The following ZNF717 variants were observed in gnomAD, a reference collection of about 807,000 sequenced individuals.
ZNF717 encodes krueppel-like factor X17.
In ZNF717, 9 loss-of-function variants were observed where a neutral mutation model predicts 13.8. That is an observed-to-expected ratio of 0.65 (90% CI 0.39 to 1.14). The LOEUF is 1.14. Ranked by LOEUF, ZNF717 falls within the 50% of genes most tolerant of loss-of-function variation. The probability of loss-of-function intolerance (pLI) is 0.01; values close to 1 mark genes in which losing one functional copy is unlikely to be tolerated. For synonymous variants in ZNF717, 327 were observed against 364.1 expected (o/e 0.90, Z 1.16); for missense variants, 1,040 against 1,080.7 (o/e 0.96, Z 0.53).
chr3:75,765,017 A>ATGTGTGTGTGTGTGTGTG (rs1553680573), intron 2 of ZNF717, among the ~76,000 whole-genome samples: 1 of 31,022 alleles, frequency 3.2e-5, no homozygotes, highest in African/African-American at 1.0e-4. Flanking sequence ...ATATATATAT[A>ATGTGTGTGTGTGTGTGTG]TATATATATA....
At chr3:75,713,233 C>T (rs1937980888) in intron 5 of ZNF717, among the ~76,000 whole-genome samples, 1 of 152,128 alleles carries the variant, frequency 6.6e-6, no homozygotes, top group African/African-American at 2.4e-5. Flanking sequence ...TCACTGCAGC[C>T]TCAACCTCCT....
intron 2 of ZNF717, among the ~76,000 whole-genome samples, chr3:75,755,979 CTGCACTTGCTTTATTGTGATTTGTGACCA>C (rs1942438461): frequency 2.3e-5 from 1 of 44,122 alleles, no homozygotes; most frequent in Non-Finnish European, 7.8e-5. Context: ...TCTCGTTTCA[CTGCACTTGCTTTATTGTGATTTGTGACCA>C]TGTTTTTTAC....
chr3:75,723,830 C>T (rs997447234), intron 4 of ZNF717, among the ~76,000 whole-genome samples: 1 of 152,020 alleles, frequency 6.6e-6, no homozygotes, highest in Non-Finnish European at 1.5e-5. Flanking sequence ...TCCCTTTCCC[C>T]GGGGGAGTTA....
intron 2 of ZNF717, among the ~76,000 whole-genome samples, chr3:75,749,799 TC>T (rs1941542197): frequency 6.6e-6 from 1 of 151,688 alleles, no homozygotes; most frequent in African/African-American, 2.4e-5. Context: ...CACATAAGAC[TC>T]CAGAACAATC....
chr3:75,777,714 A>C (rs1339009838), intron 2 of ZNF717, among the ~76,000 whole-genome samples: 1 of 151,650 alleles, frequency 6.6e-6, no homozygotes, highest in African/African-American at 2.4e-5. Context: ...AATGGGAGTG[A>C]CGTGCTAAAC....
chr3:75,742,903 C>G (rs1242985006), intron 2 of ZNF717, among the ~76,000 whole-genome samples: 2 of 152,212 alleles, frequency 1.3e-5, no homozygotes. Flanking sequence ...CTCCTGTATA[C>G]AGTCATGAGC....
intron 4 of ZNF717, among the ~76,000 whole-genome samples, chr3:75,721,667 CT>C (rs1238755211): frequency 6.6e-6 from 1 of 151,976 alleles, no homozygotes; most frequent in Non-Finnish European, 1.5e-5. Flanking sequence ...AAGCAAATAA[CT>C]TTTTTTTCTG....
intron 4 of ZNF717, among the ~76,000 whole-genome samples, chr3:75,740,737 G>A (rs1442874095): frequency 3.6e-4 from 55 of 150,920 alleles, no homozygotes; most frequent in African/African-American, 1.2e-3. Context: ...AGGCTAGGGT[G>A]TGAGGAACAC....
At chr3:75,728,338 C>T (rs1271869729), downstream of ZNF717, among the ~76,000 whole-genome samples, 1 of 152,190 alleles carries the variant, frequency 6.6e-6, no homozygotes, top group African/African-American at 2.4e-5. Context: ...GTTAAGGATG[C>T]ACACCAAGGA....
chr3:75,703,542 T>TAAATAAATAAATAAATA (rs1553651651), intron 6 of ZNF717, among the ~76,000 whole-genome samples: 22 of 147,838 alleles, frequency 1.5e-4, no homozygotes, highest in South Asian at 6.6e-4. Context: ...ATAATAATAA[T>TAAATAAATAAATAAATA]AATAAATAAA....
At chr3:75,751,966 G>T (rs796696775) in intron 2 of ZNF717, among the ~76,000 whole-genome samples, 2 of 151,582 alleles carry the variant, frequency 1.3e-5, no homozygotes, top group Non-Finnish European at 2.9e-5. Context: ...CCAGAACACT[G>T]TTATGAGGGT....
chr3:75,701,276 T>C (rs1186174382), intron 6 of ZNF717, among the ~76,000 whole-genome samples: 34 of 152,294 alleles, frequency 2.2e-4, no homozygotes, highest in Admixed American at 5.9e-4. Context: ...TCTGGTGTCA[T>C]ATAAGAGGTG....
intron 2 of ZNF717, among the ~76,000 whole-genome samples, chr3:75,749,168 G>A (rs72503556): frequency 0.021 from 3,080 of 147,870 alleles, 48 homozygotes; most frequent in South Asian, 0.065. Context: ...TTTGTCCCCC[G>A]CATAGGATTC....
intron 2 of ZNF717, among the ~76,000 whole-genome samples, chr3:75,774,610 GTTTTTTT>G (rs537149833): frequency 2.5e-5 from 2 of 80,216 alleles, no homozygotes; most frequent in Non-Finnish European, 4.6e-5. Context: ...AATTCTTGTG[GTTTTTTT>G]TTTTTTTTTT....
In ZNF717 at chr3:75,768,363, G is replaced by GA. The variant is rs1415231786; in HGVS notation, c.57+14942_57+14943insT. 3.7e-5 allele frequency among the ~76,000 whole-genome samples: 4 copies of GA among 107,850 alleles called. No homozygotes were observed. The East Asian group carries it at 1.3e-3, about 36-fold the overall frequency. 70.8% of individuals were successfully genotyped at this position (107,850 alleles called of 152,430 possible). A position where few individuals can be genotyped will look rare whatever the true frequency, so the allele number is the denominator to read the frequency against. On this transcript the variant is annotated intron_variant, in intron 2 of 4. Coordinates refer to ENST00000652011, the MANE Select transcript of ZNF717 (RefSeq NM_001290208.3). ...CAGTCCTCACTGTGGCTGAGTGTGG[G>GA]GGGGGGGGGTAGATGACAGCCCACC...
chr3:75,760,484 T>C (rs1245955183), intron 2 of ZNF717, among the ~76,000 whole-genome samples: 1 of 152,250 alleles, frequency 6.6e-6, no homozygotes, highest in East Asian at 1.9e-4. Context: ...CAAAAAAATG[T>C]TTAGGCAAAT....
At chr3:75,755,399 T>C (rs1400963111) in intron 2 of ZNF717, among the ~76,000 whole-genome samples, 2 of 152,114 alleles carry the variant, frequency 1.3e-5, no homozygotes, top group Non-Finnish European at 2.9e-5. Context: ...TGAGTAACAC[T>C]AATAAAAGGA....
At chr3:75,726,545 C>T (rs1188553573), downstream of ZNF717, among the ~76,000 whole-genome samples, 5 of 152,364 alleles carry the variant, frequency 3.3e-5, no homozygotes, top group South Asian at 2.1e-4. Context: ...TTTAGCACTT[C>T]CATGTGAACC....
intron 2 of ZNF717, among the ~76,000 whole-genome samples, chr3:75,769,783 C>T (rs904509554): frequency 6.6e-6 from 1 of 152,194 alleles, no homozygotes; most frequent in African/African-American, 2.4e-5. Flanking sequence ...AGAACTGATG[C>T]ACACATCCGT....
Sources: gnomAD v4.1 joint callset for allele counts (sites outside exome capture counted in the v4.1 genomes callset) on GRCh38, gnomAD v4.1.1 for gene constraint, MANE v1.5 for transcripts, NCBI Gene and HGNC (gene_info 2026-07-23, HGNC 2026-07-21) for gene names.